Variants in SH2D3A observed in about 807,000 individuals in gnomAD.
SH2D3A encodes the protein SH2 domain-containing protein 3A.
Under a neutral mutation model 50.6 loss-of-function variants are expected in SH2D3A, and 46 were observed. The ratio of observed to expected loss-of-function variants is 0.91; its 90% CI spans 0.72 to 1.16. SH2D3A has a LOEUF of 1.16. Ranked by LOEUF, SH2D3A falls within the 50% of genes most tolerant of loss-of-function variation. SH2D3A has a pLI of 0.00. For synonymous variants in SH2D3A, 377 were observed against 348.4 expected (o/e 1.08, Z -0.91); for missense variants, 783 against 786.2 (o/e 1.00, Z 0.05).
intron 4 of SH2D3A, among the ~76,000 whole-genome samples, chr19:6,755,702 A>G (rs1969628752): frequency 6.6e-6 from 1 of 151,920 alleles, no homozygotes; most frequent in Non-Finnish European, 1.5e-5. Context: ...TGAATTCTGA[A>G]TACTACATTT....
rs1398018840 is a variant in SH2D3A, at chr19:6,761,096, G to A, written c.70-109C>T. 3.4e-6 allele frequency: 3 copies of A among 870,554 alleles called. No individual in the cohort carries two copies. In the African/African-American group the frequency reaches 5.1e-5, roughly 15 times the overall value. The allele number at this position is 870,554 out of a possible 1,614,324, so 53.9% of individuals were successfully genotyped here. On this transcript the variant is annotated intron_variant, in intron 2 of 9. Coordinates refer to ENST00000245908, the MANE Select transcript of SH2D3A (RefSeq NM_005490.3). ...ACCACCCAAGAAAAGCTACCCCAGT[G>A]AAACTTCTGTGGCAGGCAAAGACGG... is the stretch of plus-strand genomic sequence containing the variant.
At position 6,760,908 on chromosome 19, in the gene SH2D3A, GA is replaced by G. The variant is rs1453243753; in HGVS notation, c.148del (p.Ser50ProfsTer47). The stretch of plus-strand genomic sequence containing the variant: ...GAGGGCTGAGCCCCGCCAGCGGCAG[GA>G]GATCACGGGGTTGCCCCCACGGGAC... ...SGSRGGNPVI[S>X]CRWRGSALHF... On this transcript the variant is annotated frameshift_variant, in exon 3 of 10. Coordinates refer to ENST00000245908, the MANE Select transcript of SH2D3A (RefSeq NM_005490.3). LOFTEE classifies it high-confidence loss of function. The G allele has an allele frequency of 6.2e-7, 1 of 1,614,110 alleles. No individual in the cohort carries two copies. The highest frequency in any genetic ancestry group is 1.3e-5 in the African/African-American group (1 of 74,958).
At chr19:6,761,120 G>A (rs1045101320) in intron 2 of SH2D3A, 133 bp from the exon 3 acceptor site, 15 of 702,566 alleles carry the variant, frequency 2.1e-5, no homozygotes, top group Admixed American at 5.9e-5. Context: ...AGGCAAAGAC[G>A]GGGAACTTTC....
At chr19:6,765,677 G>A (rs1301873312) in intron 1 of SH2D3A, among the ~76,000 whole-genome samples, 1 of 147,868 alleles carries the variant, frequency 6.8e-6, no homozygotes, top group African/African-American at 2.6e-5. Context: ...GAATCCAGGA[G>A]GCAGACCCTG....
chr19:6,759,840 A>G (rs115342819), intron 3 of SH2D3A, among the ~76,000 whole-genome samples, 170 bp from the exon 4 acceptor site: 5,003 of 152,252 alleles, frequency 0.033, 283 homozygotes, highest in African/African-American at 0.11. Context: ...TAGTTGTCAC[A>G]ACTAGTAGCA....
chr19:6,760,174 A>C (rs991025143), intron 3 of SH2D3A, among the ~76,000 whole-genome samples: 4 of 152,140 alleles, frequency 2.6e-5, no homozygotes, highest in Non-Finnish European at 2.9e-5. Context: ...CAGGAGTTTG[A>C]GACCAGCCTG....
chr19:6,762,701 TAGAGACAGA>T (rs1250225175), intron 2 of SH2D3A, among the ~76,000 whole-genome samples: 1 of 148,176 alleles, frequency 6.7e-6, no homozygotes, highest in African/African-American at 2.5e-5. Flanking sequence ...TTTTTTTGTG[TAGAGACAGA>T]GTTCTGCTAT....
Position 6,754,993 on chromosome 19 carries a change from T to A in SH2D3A, c.819A>T (p.Arg273Ser), listed in dbSNP as rs1568263368. 5 of 1,613,756 alleles carry A rather than the reference T, an allele frequency of 3.1e-6. No homozygotes were observed. Among genetic ancestry groups the A allele is most frequent in the Non-Finnish European group, 4.2e-6 (5 of 1,179,962 alleles). Residue 273 changes from arginine (R) to serine (S), a missense_variant, in exon 5 of 10, where the codon AGA becomes AGT. Transcript: ENST00000245908. Reference sequence around the variant, plus strand: ...GGCAGAAAGAGATCTCAGCCTGTGGTCTTGTAAAACATCTATTCTCTTCCT... The same window carrying A: ...GGCAGAAAGAGATCTCAGCCTGTGGACTTGTAAAACATCTATTCTCTTCCT... ...DEEEENRCFT[R>S]PQAEISFCPH...
intron 4 of SH2D3A, chr19:6,759,275 G>A (rs1441291854): frequency 1.5e-5 from 4 of 265,606 alleles, no homozygotes; most frequent in East Asian, 1.2e-4. Context: ...CACCACGCTC[G>A]GCTAATTTTG....
chr19:6,764,747 C>G (rs1378454082), intron 1 of SH2D3A, among the ~76,000 whole-genome samples: 1 of 151,944 alleles, frequency 6.6e-6, no homozygotes, highest in Non-Finnish European at 1.5e-5. Context: ...GCTTTATTGC[C>G]CAGGCTGGAC....
chr19:6,753,904 C>T lies in SH2D3A; in HGVS notation c.1384+148G>A, dbSNP rs1359706566. 11 of 1,080,944 alleles carry T rather than the reference C, an allele frequency of 1.0e-5. No homozygotes were observed. In the East Asian group the frequency reaches 2.9e-4, roughly 29 times the overall value. 67.0% of individuals were successfully genotyped at this position (1,080,944 alleles called of 1,614,324 possible). On this transcript the variant is annotated intron_variant, in intron 8 of 9. Coordinates refer to ENST00000245908, the MANE Select transcript of SH2D3A (RefSeq NM_005490.3). ...TGGAGGGCGGGGCCTAGGGAAAGGG[C>T]CAGGACCAACCCTCATGTGGAGGGC...
chr19:6,752,222 G>A lies in SH2D3A; in HGVS notation c.*371C>T. On this transcript the variant is annotated 3_prime_UTR_variant, in exon 10 of 10. Coordinates refer to ENST00000245908, the MANE Select transcript of SH2D3A (RefSeq NM_005490.3). ...TGTAGAGATGAGGTCTCACCATGTT[G>A]CCCTGGCTGGTCTTGAACTCCTGGC... The A allele has an allele frequency of 4.7e-6, 1 of 210,996 alleles. No individual in the cohort carries two copies. Among genetic ancestry groups the A allele is most frequent in the Non-Finnish European group, 9.3e-6 (1 of 107,438 alleles). 13.1% of individuals were successfully genotyped at this position (210,996 alleles called of 1,614,324 possible).
intron 4 of SH2D3A, chr19:6,757,234 C>T (rs1969737676): frequency 1.3e-5 from 2 of 148,510 alleles, no homozygotes; most frequent in South Asian, 2.1e-4. Flanking sequence ...TCAACCTGCA[C>T]ATTCTGCACG....
Position 6,754,864 on chromosome 19 carries a change from G to A in SH2D3A, c.948C>T (p.Ser316=). Residue 316 remains serine, a synonymous_variant, in exon 5 of 10, where the codon AGC becomes AGT. Coordinates refer to ENST00000245908, the MANE Select transcript of SH2D3A (RefSeq NM_005490.3). ...RGLFLEHHPG[S]TALHLLLVDC... is the part of the protein sequence containing the mutation. ...CTACCAATAGCAGGTGAAGGGCGGTGCTCCCAGGATGGTGCTCCAGGAACA... is the reference window on the plus strand; with the variant it reads ...CTACCAATAGCAGGTGAAGGGCGGTACTCCCAGGATGGTGCTCCAGGAACA... 5.0e-6 allele frequency: 8 copies of A among 1,598,568 alleles called. No individual in the cohort carries two copies. The highest frequency in any genetic ancestry group is 6.8e-6 in the Non-Finnish European group (8 of 1,170,676).
chr19:6,756,070 CAA>C (rs779733546), intron 4 of SH2D3A, among the ~76,000 whole-genome samples: 17 of 96,848 alleles, frequency 1.8e-4, no homozygotes, highest in Non-Finnish European at 1.3e-4. Flanking sequence ...GACCCTGTCT[CAA>C]AAAAAAAAAA....
chr19:6,767,002 G>GA (rs1444665757), intron 1 of SH2D3A, among the ~76,000 whole-genome samples: 1 of 152,148 alleles, frequency 6.6e-6, no homozygotes, highest in Non-Finnish European at 1.5e-5. Flanking sequence ...GCCGGAATAC[G>GA]ATGAGGAAGG....
In SH2D3A at chr19:6,755,076, G is replaced by A; in HGVS notation, c.736C>T (p.Pro246Ser). 1 of 1,614,112 alleles carries A rather than the reference G, an allele frequency of 6.2e-7. No individual in the cohort carries two copies. Among genetic ancestry groups the A allele is most frequent in the Non-Finnish European group, 8.5e-7 (1 of 1,180,028 alleles). ...PRVPSVQGTS[P>S]SQSCPEPEAP... ...TCTGGCTCTGGGCAGCTTTGGCTCG[G>A]GGATGTTCCCTGGACACTGGGCACT... Residue 246 changes from proline to serine, a missense_variant, in exon 5 of 10, where the codon CCG (proline) becomes TCG (serine). Coordinates refer to ENST00000245908, the MANE Select transcript of SH2D3A (RefSeq NM_005490.3).
rs1042372581 is a variant in SH2D3A, at chr19:6,753,951, G to T, written c.1384+101C>A. ...GGGCGGGGCCTATGGTGAAGGGACC[G>T]GGCCTAGAACAGATGCAGGGACTGG... On this transcript the variant is annotated intron_variant, in intron 8 of 9. Transcript: ENST00000245908. The T allele has an allele frequency of 1.1e-5, 15 of 1,366,618 alleles. No individual in the cohort carries two copies. In the Admixed American group the frequency reaches 4.2e-4, roughly 38 times the overall value. 84.7% of individuals were successfully genotyped at this position (1,366,618 alleles called of 1,614,324 possible).
chr19:6,762,719 A>C (rs1970097613), intron 2 of SH2D3A, among the ~76,000 whole-genome samples: 2 of 136,080 alleles, frequency 1.5e-5, no homozygotes, highest in Non-Finnish European at 3.1e-5. Context: ...GAGTTCTGCT[A>C]TGTTGCCCAG....
Sources: gnomAD v4.1 joint callset for allele counts (sites outside exome capture counted in the v4.1 genomes callset) on GRCh38, gnomAD v4.1.1 for gene constraint, MANE v1.5 for transcripts, NCBI Gene and HGNC (gene_info 2026-07-23, HGNC 2026-07-21) for gene names.